GRK4: variants seen among roughly 807,000 people sequenced by gnomAD.
GRK4 encodes the protein G protein-coupled receptor kinase 4, also known as G protein-coupled receptor kinase 2-like.
GRK4 carries 73 observed loss-of-function variants against 77.9 expected under a neutral mutation model. That is an observed-to-expected ratio of 0.94 (90% confidence interval 0.78 to 1.14). The LOEUF is 1.14. Ranked by LOEUF, GRK4 falls within the 50% of genes most tolerant of loss-of-function variation. GRK4 has a pLI of 0.00. For missense variants in GRK4, 729 were observed against 700.2 expected, an observed-to-expected ratio of 1.04 and a Z score of -0.46; for synonymous variants, 257 against 254.4, an observed-to-expected ratio of 1.01 and a Z score of -0.10.
chr4:3,004,352 A>C lies in GRK4; in HGVS notation c.443+18A>C. 1 of 1,465,674 alleles carries C rather than the reference A, an allele frequency of 6.8e-7. No homozygotes were observed. Among genetic ancestry groups the C allele is most frequent in the African/African-American group, 1.4e-5 (1 of 71,662 alleles). The allele number at this position is 1,465,674 out of a possible 1,614,324, so 90.8% of individuals were successfully genotyped here. A position where few individuals can be genotyped will look rare whatever the true frequency, so the allele number is the denominator to read the frequency against. On this transcript the variant is annotated intron_variant, in intron 5 of 15. Coordinates refer to ENST00000398052, the MANE Select transcript of GRK4 (RefSeq NM_182982.3). ...TGTACTAGGTAAGTGGTTCATGCTG[A>C]GCCCTGCATATATTATCTATGACTA... is the stretch of plus-strand genomic sequence containing the variant.
At chr4:3,009,753 G>T (rs577399003) in intron 7 of GRK4, 42 bp downstream of exon 7, 2 of 1,493,980 alleles carry the variant, frequency 1.3e-6, no homozygotes, top group Non-Finnish European at 1.9e-6. Context: ...TGCTAGCTGG[G>T]TGGGGAGCAA....
intron 8 of GRK4, among the ~76,000 whole-genome samples, chr4:3,016,005 C>G (rs1316876888): frequency 1.3e-5 from 2 of 150,950 alleles, no homozygotes; most frequent in Non-Finnish European, 3.0e-5. Flanking sequence ...GGCTCCCGGG[C>G]TCAAGTGATT....
At chr4:2,992,381 G>A in intron 4 of GRK4, 89 bp downstream of exon 4, 3 of 836,854 alleles carry the variant, frequency 3.6e-6, no homozygotes, top group Non-Finnish European at 5.8e-6. Flanking sequence ...CGTAACATAT[G>A]TTAAAAGCTT....
chr4:3,024,815 A>G (rs1229581019), intron 10 of GRK4, among the ~76,000 whole-genome samples: 1 of 152,198 alleles, frequency 6.6e-6, no homozygotes, highest in East Asian at 1.9e-4. Context: ...CCGAGATTGC[A>G]CCACTACACT....
At chr4:2,999,097 C>G (rs1386974433) in intron 4 of GRK4, among the ~76,000 whole-genome samples, 1 of 152,168 alleles carries the variant, frequency 6.6e-6, no homozygotes, top group East Asian at 1.9e-4. Context: ...GCTGCTCTAA[C>G]AGAATACCTG....
intron 14 of GRK4, 93 bp downstream of exon 14, chr4:3,037,604 T>A: frequency 7.1e-7 from 1 of 1,406,252 alleles, no homozygotes; most frequent in Non-Finnish European, 9.7e-7. Context: ...TGTGTGTCTG[T>A]GTGTATTTGG....
At chr4:2,973,664 C>T (rs1720244304) in intron 1 of GRK4, among the ~76,000 whole-genome samples, 1 of 152,182 alleles carries the variant, frequency 6.6e-6, no homozygotes, top group African/African-American at 2.4e-5. Context: ...GACCTTTTCT[C>T]ACCTCCTCCA....
chr4:3,036,600 G>A (rs1017281270), intron 13 of GRK4, among the ~76,000 whole-genome samples: 14 of 152,196 alleles, frequency 9.2e-5, no homozygotes, highest in Admixed American at 2.0e-4. Context: ...CTGTACTGGC[G>A]GCAGGTGGAG....
chr4:2,979,250 A>G (rs961551925), intron 1 of GRK4, among the ~76,000 whole-genome samples: 1 of 150,508 alleles, frequency 6.6e-6, no homozygotes, highest in African/African-American at 2.4e-5. Flanking sequence ...AAAAAACCCC[A>G]CAAATTACCT....
intron 2 of GRK4, 26 bp downstream of exon 2, chr4:2,984,634 T>A: frequency 7.9e-7 from 1 of 1,269,792 alleles, no homozygotes; most frequent in Non-Finnish European, 1.1e-6. Flanking sequence ...CTACTAATGC[T>A]TGGATGGTAC....
chr4:3,000,638 C>T (rs776454209), intron 4 of GRK4, among the ~76,000 whole-genome samples: 21 of 151,478 alleles, frequency 1.4e-4, no homozygotes, highest in Non-Finnish European at 2.8e-4. Context: ...AATCTCGGCT[C>T]ACTGCAACCT....
At chr4:2,970,541 C>T (rs1007332931) in intron 1 of GRK4, among the ~76,000 whole-genome samples, 4 of 151,368 alleles carry the variant, frequency 2.6e-5, no homozygotes, top group East Asian at 2.0e-4. Context: ...ACCTGTAGTC[C>T]GAGCTACTCG....
chr4:3,014,645 G>T (rs1329027276), intron 8 of GRK4, among the ~76,000 whole-genome samples: 3 of 151,742 alleles, frequency 2.0e-5, no homozygotes, highest in Non-Finnish European at 2.9e-5. Context: ...AATACAAAAA[G>T]AATTAGGTGG....
At chr4:2,998,732 C>T (rs1560415670) in intron 4 of GRK4, among the ~76,000 whole-genome samples, 2 of 152,220 alleles carry the variant, frequency 1.3e-5, no homozygotes, top group South Asian at 2.1e-4. Flanking sequence ...AATGGAAAGA[C>T]ATCTCCTGTT....
At chr4:3,036,777 T>C (rs1740762111) in intron 13 of GRK4, among the ~76,000 whole-genome samples, 1 of 152,136 alleles carries the variant, frequency 6.6e-6, no homozygotes, top group African/African-American at 2.4e-5. Flanking sequence ...GACCACTCAG[T>C]GGACCTGCAG....
chr4:2,976,056 G>T (rs1408088879), intron 1 of GRK4, among the ~76,000 whole-genome samples: 1 of 152,188 alleles, frequency 6.6e-6, no homozygotes, highest in Non-Finnish European at 1.5e-5. Flanking sequence ...CAAGGAGCAA[G>T]GGAAGTAACT....
At chr4:3,039,663 G>A (rs370860293) in intron 15 of GRK4, among the ~76,000 whole-genome samples, 15 of 140,314 alleles carry the variant, frequency 1.1e-4, no homozygotes, top group South Asian at 2.3e-4. Flanking sequence ...GCACCATTGC[G>A]CTCCAGCCTG....
At chr4:3,032,239 T>C (rs932914958) in intron 12 of GRK4, among the ~76,000 whole-genome samples, 5 of 151,500 alleles carry the variant, frequency 3.3e-5, no homozygotes, top group Admixed American at 6.6e-5. Context: ...TCCCAGCACT[T>C]TGGGAGGTCA....
At chr4:2,979,711 C>T (rs1473098911) in intron 1 of GRK4, among the ~76,000 whole-genome samples, 1 of 152,102 alleles carries the variant, frequency 6.6e-6, no homozygotes, top group East Asian at 1.9e-4. Flanking sequence ...GAAACTCCGT[C>T]CCCCTACCCC....
Sources: gnomAD v4.1 joint callset for allele counts (sites outside exome capture counted in the v4.1 genomes callset) on GRCh38, gnomAD v4.1.1 for gene constraint, MANE v1.5 for transcripts, NCBI Gene and HGNC (gene_info 2026-07-23, HGNC 2026-07-21) for gene names.